CHST7: variants seen among roughly 807,000 people sequenced by gnomAD.
CHST7 encodes N-acetylglucosamine 6-O-sulfotransferase 4.
Under a neutral mutation model 9.0 loss-of-function variants are expected in CHST7, and 5 were observed. The ratio of observed to expected loss-of-function variants is 0.56; its 90% CI spans 0.29 to 1.17. The LOEUF is 1.17. Ranked by LOEUF, CHST7 falls within the 50% of genes most tolerant of loss-of-function variation. CHST7 has a pLI of 0.08. For synonymous variants in CHST7, 244 were observed against 237.1 expected (o/e 1.03, Z -0.27); for missense variants, 377 against 485.1 (o/e 0.78, Z 2.09).
chrX:46,574,001 G>C lies in CHST7; in HGVS notation c.70G>C (p.Val24Leu), dbSNP rs747186047. 1.3e-4 allele frequency: 148 copies of C among 1,157,932 alleles called. No homozygotes were observed. Among genetic ancestry groups the C allele is most frequent in the Non-Finnish European group, 1.5e-4 (135 of 874,431 alleles). ...GCTGCTGTTGGTGCTGTACACGCTG[G>C]TGCTGTTGCTCGTCCCCTCCGTATT... ...FALLLVLYTLVLLLVPSVLDG... is the reference protein window; with the variant it reads ...FALLLVLYTLLLLLVPSVLDG... The change falls in exon 1 of 2, where the codon GTG becomes CTG. Residue 24 changes from valine (V) to leucine (L), a missense_variant. Physicochemically the swap from Val to Leu is conservative, Grantham distance 32. Around this residue, in one of 3 missense-constraint regions of CHST7, gnomAD observed 239 missense variants for 325.7 expected, o/e 0.73. Transcript: ENST00000276055.
intron 1 of CHST7, among the ~76,000 whole-genome samples, chrX:46,594,343 C>T (rs920245581): frequency 4.5e-5 from 5 of 110,426 alleles, no homozygotes; most frequent in Non-Finnish European, 9.5e-5. Context: ...GCCTGGCCAA[C>T]GTGGCGAAAC....
At chrX:46,591,689 T>TA (rs1450322503) in intron 1 of CHST7, among the ~76,000 whole-genome samples, 8 of 111,703 alleles carry the variant, frequency 7.2e-5, no homozygotes, top group East Asian at 2.8e-4. Flanking sequence ...TTTCTTTTTT[T>TA]AAAAAAAATC....
At chrX:46,582,908 T>C (rs749006918) in intron 1 of CHST7, among the ~76,000 whole-genome samples, 15 of 109,748 alleles carry the variant, frequency 1.4e-4, no homozygotes, top group African/African-American at 5.0e-4. Context: ...AAGTGCCCAT[T>C]TGCAGTTTTT....
chrX:46,591,444 G>A (rs1253257648), intron 1 of CHST7, among the ~76,000 whole-genome samples: 1 of 110,972 alleles, frequency 9.0e-6, no homozygotes, highest in Non-Finnish European at 1.9e-5. Context: ...GTGCGATCTC[G>A]GCTCGCTGCA....
At chrX:46,575,486 G>C in intron 1 of CHST7, 63 bp downstream of exon 1, 1 of 929,529 alleles carries the variant, frequency 1.1e-6, no homozygotes, top group East Asian at 4.2e-5. Context: ...GAATGGCCTG[G>C]GGAGGGGGAA....
chrX:46,584,108 A>G (rs1289774971), intron 1 of CHST7, among the ~76,000 whole-genome samples: 1 of 112,350 alleles, frequency 8.9e-6, no homozygotes, highest in African/African-American at 3.2e-5. Context: ...AATGATGACT[A>G]TATTCTGTGC....
chrX:46,579,295 T>C (rs1942514104), intron 1 of CHST7, among the ~76,000 whole-genome samples: 1 of 112,449 alleles, frequency 8.9e-6, no homozygotes, highest in South Asian at 3.6e-4. Context: ...CCCTCTCACA[T>C]GCCTTCACAT....
chrX:46,576,444 T>A (rs976107752), intron 1 of CHST7, among the ~76,000 whole-genome samples: 2 of 111,440 alleles, frequency 1.8e-5, no homozygotes, highest in Admixed American at 1.9e-4. Context: ...TGTTTTTCCA[T>A]TTTTGTTTTT....
At chrX:46,590,247 A>G (rs994099775) in intron 1 of CHST7, among the ~76,000 whole-genome samples, 14 of 101,687 alleles carry the variant, frequency 1.4e-4, no homozygotes, top group Non-Finnish European at 2.3e-4. Flanking sequence ...CAAAGAAACA[A>G]TGACAGATTT....
In CHST7 at chrX:46,573,814, G is replaced by C; in HGVS notation, c.-118G>C. ...TCCCCTTGTGGATGCGCGGCCCCGC[G>C]GCTCTGCTCCTCCCGGCGCAGAGGG... On this transcript the variant is annotated 5_prime_UTR_variant, in exon 1 of 2. Transcript: ENST00000276055. The C allele has an allele frequency of 9.7e-7, 1 of 1,031,659 alleles. No homozygotes were observed. The allele number at this position is 1,031,659 out of a possible 1,213,427, so 85.0% of individuals were successfully genotyped here.
intron 1 of CHST7, among the ~76,000 whole-genome samples, chrX:46,597,162 G>GGA (rs1942598179): frequency 9.0e-6 from 1 of 111,266 alleles, no homozygotes; most frequent in Non-Finnish European, 1.9e-5. Context: ...AAGGATCACA[G>GGA]GAGAGCAAGA....
At chrX:46,587,813 T>G (rs1215445567) in intron 1 of CHST7, among the ~76,000 whole-genome samples, 1 of 112,242 alleles carries the variant, frequency 8.9e-6, no homozygotes, top group Non-Finnish European at 1.9e-5. Flanking sequence ...TAAGAAAGCT[T>G]AACCTGGGTT....
intron 1 of CHST7, among the ~76,000 whole-genome samples, chrX:46,578,269 CTTTTT>C (rs3071957): frequency 9.7e-5 from 5 of 51,338 alleles, no homozygotes; most frequent in East Asian, 8.3e-4. Flanking sequence ...CTGCCATGCT[CTTTTT>C]TTTTTTTTTT....
chrX:46,591,167 G>T (rs1224031960), intron 1 of CHST7, among the ~76,000 whole-genome samples: 1 of 111,866 alleles, frequency 8.9e-6, no homozygotes, highest in African/African-American at 3.3e-5. Flanking sequence ...ATGGGTTTTT[G>T]TGTGGACATA....
chrX:46,579,035 C>G (rs1193128868), intron 1 of CHST7, among the ~76,000 whole-genome samples: 1 of 111,342 alleles, frequency 9.0e-6, no homozygotes, highest in Non-Finnish European at 1.9e-5. Flanking sequence ...CCCAGATGAT[C>G]CTACTGTATA....
intron 1 of CHST7, among the ~76,000 whole-genome samples, chrX:46,576,649 G>A (rs1942500887): frequency 9.0e-6 from 1 of 111,406 alleles, no homozygotes; most frequent in Non-Finnish European, 1.9e-5. Context: ...TCTGCACTGT[G>A]CAGTCAGTCC....
intron 1 of CHST7, among the ~76,000 whole-genome samples, chrX:46,588,877 A>T (rs2146641097): frequency 9.0e-6 from 1 of 111,205 alleles, no homozygotes; most frequent in South Asian, 3.8e-4. Context: ...AATTCTTGAG[A>T]TTAATTGCAT....
At position 46,574,131 on chromosome X, in the gene CHST7, A is replaced by G; in HGVS notation, c.200A>G (p.Gln67Arg). The change falls in exon 1 of 2, where the codon CAG (glutamine) becomes CGG (arginine). Residue 67 changes from glutamine to arginine, a missense_variant. Physicochemically the swap from Gln to Arg is conservative, Grantham distance 43. Transcript: ENST00000276055. ...LEAAAAGERE[Q>R]GAEARAAEEG... ...GCGGCGGCGGCCGGCGAACGCGAGC[A>G]GGGAGCGGAGGCGCGGGCCGCCGAG... The G allele has an allele frequency of 1.7e-6, 2 of 1,162,771 alleles. No individual in the cohort carries two copies. The highest frequency in any genetic ancestry group is 2.3e-6 in the Non-Finnish European group (2 of 871,495).
intron 1 of CHST7, among the ~76,000 whole-genome samples, chrX:46,578,231 C>T (rs1942508050): frequency 9.4e-6 from 1 of 105,968 alleles, no homozygotes; most frequent in Admixed American, 1.0e-4. Context: ...AGCTATCTAG[C>T]CAGTAAGGGG....
Sources: gnomAD v4.1 joint callset for allele counts (sites outside exome capture counted in the v4.1 genomes callset) on GRCh38, gnomAD v4.1.1 for gene constraint, gnomAD v4.1.1 regional missense constraint, MANE v1.5 for transcripts, NCBI Gene and HGNC (gene_info 2026-07-23, HGNC 2026-07-21) for gene names.